RNF185: variants seen among roughly 807,000 people sequenced by gnomAD.
RNF185 encodes E3 ubiquitin-protein ligase RNF185.
Under a neutral mutation model 24.9 loss-of-function variants are expected in RNF185, and 13 were observed. The observed-to-expected ratio is 0.52, with a 90% CI of 0.34 to 0.83. The LOEUF is 0.83. Among genes scored for constraint, RNF185 ranks in the 40% least tolerant of loss-of-function variants. RNF185 has a pLI of 0.01. For synonymous variants in RNF185, 79 were observed against 90.3 expected (o/e 0.88, Z 0.71); for missense variants, 184 against 244.7 (o/e 0.75, Z 1.65).
chr22:31,201,343 A>G (rs2048261456), intron 5 of RNF185, among the ~76,000 whole-genome samples, 155 bp from the exon 6 acceptor site: 1 of 152,228 alleles, frequency 6.6e-6, no homozygotes, highest in African/African-American at 2.4e-5. Context: ...TATATATGGG[A>G]GGAAAAGCTG....
chr22:31,170,966 A>T (rs1367050552), intron 1 of RNF185, among the ~76,000 whole-genome samples: 9 of 151,498 alleles, frequency 5.9e-5, no homozygotes, highest in South Asian at 2.1e-4. Flanking sequence ...GGGGGTTTTT[A>T]AAGATGGACA....
intron 1 of RNF185, among the ~76,000 whole-genome samples, chr22:31,184,592 C>G (rs1057499193): frequency 6.6e-6 from 1 of 152,128 alleles, no homozygotes; most frequent in Admixed American, 6.6e-5. Context: ...TGTAGCGATC[C>G]GAGATCACGC....
intron 1 of RNF185, among the ~76,000 whole-genome samples, chr22:31,164,631 C>A (rs979952276): frequency 6.9e-6 from 1 of 144,892 alleles, no homozygotes; most frequent in Non-Finnish European, 1.5e-5. Context: ...CCCTGTCACC[C>A]AGGCTGGAAT....
chr22:31,182,115 T>A (rs2048044401), intron 1 of RNF185, among the ~76,000 whole-genome samples: 2 of 147,504 alleles, frequency 1.4e-5, no homozygotes, highest in Non-Finnish European at 3.0e-5. Context: ...ATTCCTTTTT[T>A]TTTTTTTTTT....
chr22:31,199,940 T>C (rs560304470), intron 5 of RNF185, among the ~76,000 whole-genome samples: 1 of 152,248 alleles, frequency 6.6e-6, no homozygotes, highest in Non-Finnish European at 1.5e-5. Context: ...TTGAGCTCTT[T>C]GTGAAGAGCA....
At chr22:31,177,127 A>G (rs1399066961) in intron 1 of RNF185, among the ~76,000 whole-genome samples, 1 of 152,108 alleles carries the variant, frequency 6.6e-6, no homozygotes, top group East Asian at 1.9e-4. Context: ...TACTGTGTCT[A>G]CATCCTCCCC....
At chr22:31,197,128 A>C in intron 5 of RNF185, 138 bp downstream of exon 5, 5 of 1,305,774 alleles carry the variant, frequency 3.8e-6, no homozygotes, top group Non-Finnish European at 4.2e-6. Flanking sequence ...GAGGGGGAAA[A>C]AAATCACTTA....
intron 1 of RNF185, among the ~76,000 whole-genome samples, chr22:31,183,975 G>GT (rs537132485): frequency 6.8e-6 from 1 of 147,840 alleles, no homozygotes; most frequent in African/African-American, 2.5e-5. Flanking sequence ...GGCGGGGGCT[G>GT]CCCCGAGCTC....
chr22:31,163,774 A>G (rs1356380269), intron 1 of RNF185, among the ~76,000 whole-genome samples: 2 of 151,556 alleles, frequency 1.3e-5, no homozygotes, highest in Non-Finnish European at 2.9e-5. Context: ...CCCGGGCTCA[A>G]GCAATTCTCC....
At chr22:31,189,134 A>AT (rs1568968881) in intron 2 of RNF185, among the ~76,000 whole-genome samples, 10 of 37,022 alleles carry the variant, frequency 2.7e-4, no homozygotes, top group Admixed American at 6.2e-4. Context: ...TCAAAAAAAA[A>AT]ATGTGTGTGT....
intron 1 of RNF185, among the ~76,000 whole-genome samples, chr22:31,176,835 A>G (rs543159417): frequency 1.3e-4 from 19 of 151,954 alleles, no homozygotes; most frequent in Non-Finnish European, 8.8e-5. Flanking sequence ...TGAAATTCCT[A>G]CGTAAGCAAA....
At chr22:31,175,491 A>G (rs187282356) in intron 1 of RNF185, among the ~76,000 whole-genome samples, 3 of 152,184 alleles carry the variant, frequency 2.0e-5, no homozygotes, top group East Asian at 3.9e-4. Flanking sequence ...TTTGGAAAAC[A>G]TACATGTCAT....
At chr22:31,188,089 C>T (rs1326505041) in intron 2 of RNF185, among the ~76,000 whole-genome samples, 3 of 152,128 alleles carry the variant, frequency 2.0e-5, no homozygotes, top group African/African-American at 7.2e-5. Context: ...CTTGAGGCTA[C>T]TGTATACCTC....
At chr22:31,181,568 G>A (rs968053349) in intron 1 of RNF185, among the ~76,000 whole-genome samples, 10 of 151,966 alleles carry the variant, frequency 6.6e-5, no homozygotes, top group East Asian at 1.9e-4. Context: ...TGTTTATTGC[G>A]GGACTACTCA....
chr22:31,163,876 G>A (rs1923742176), intron 1 of RNF185, among the ~76,000 whole-genome samples: 1 of 151,888 alleles, frequency 6.6e-6, no homozygotes, highest in African/African-American at 2.4e-5. Flanking sequence ...GTTTCACCAT[G>A]TTGGCCAGGA....
chr22:31,187,148 G>A lies in RNF185; in HGVS notation c.54G>A (p.Gly18=). The A allele has an allele frequency of 4.3e-6, 7 of 1,613,680 alleles. No homozygotes were observed. Among genetic ancestry groups the A allele is most frequent in the Non-Finnish European group, 5.1e-6 (6 of 1,179,768 alleles). Residue 18 remains glycine, a synonymous_variant, in exon 2 of 7, where the codon GGG becomes GGA. Coordinates refer to ENST00000326132, the MANE Select transcript of RNF185 (RefSeq NM_152267.4). The stretch of plus-strand genomic sequence containing the variant: ...CATCTCCTGAGAACTCCAGTGCAGG[G>A]GGGCCCAGTGGGAGCAGCAATGGCG... ...ASASPENSSA[G]GPSGSSNGAG... is the part of the protein sequence containing the mutation.
chr22:31,180,879 T>C (rs2048027572), intron 1 of RNF185, among the ~76,000 whole-genome samples: 1 of 151,332 alleles, frequency 6.6e-6, no homozygotes, highest in Non-Finnish European at 1.5e-5. Flanking sequence ...CTGTTGATGG[T>C]TTAATGTGTA....
chr22:31,201,471 G>T, intron 5 of RNF185, 27 bp from the exon 6 acceptor site: 1 of 1,537,984 alleles, frequency 6.5e-7, no homozygotes, highest in Non-Finnish European at 9.0e-7. Flanking sequence ...TGATTCTCCT[G>T]CCCTTAATTG....
chr22:31,165,118 A>G (rs879808780), intron 1 of RNF185, among the ~76,000 whole-genome samples: 2 of 150,462 alleles, frequency 1.3e-5, no homozygotes, highest in Admixed American at 1.3e-4. Context: ...GGGTTGCTCT[A>G]TGTTGGTCAA....
Sources: allele counts gnomAD v4.1 joint callset (sites outside exome capture counted in the v4.1 genomes callset), GRCh38; gene constraint gnomAD v4.1.1; transcripts MANE v1.5; gene names NCBI Gene and HGNC (gene_info 2026-07-23, HGNC 2026-07-21).